The following TEK variants were observed in gnomAD, a reference collection of about 807,000 sequenced individuals.
TEK encodes angiopoietin-1 receptor.
Under a neutral mutation model 131.8 loss-of-function variants are expected in TEK, and 43 were observed. That is an observed-to-expected ratio of 0.33 (90% confidence interval 0.26 to 0.42). TEK has a LOEUF of 0.42. Ranked by LOEUF, TEK falls within the 10% of genes least tolerant of loss-of-function variation. The pLI, the probability that TEK is intolerant of heterozygous loss-of-function variation, is 1.00. For synonymous variants in TEK, 580 were observed against 491.6 expected, an observed-to-expected ratio of 1.18 and a Z score of -2.38; for missense variants, 1,162 against 1,384.4, an observed-to-expected ratio of 0.84 and a Z score of 2.55.
chr9:27,228,015 A>G (rs1356935321), intron 21 of TEK, among the ~76,000 whole-genome samples, 191 bp from the exon 22 acceptor site: 1 of 152,128 alleles, frequency 6.6e-6, no homozygotes, highest in Non-Finnish European at 1.5e-5. Context: ...GGTAGGAACT[A>G]AATCTATGAG....
chr9:27,218,871 C>A, intron 20 of TEK, 54 bp downstream of exon 20: 2 of 1,511,408 alleles, frequency 1.3e-6, no homozygotes, highest in Admixed American at 3.3e-5. Context: ...TGAGTGGAAG[C>A]CTCTAGCACT....
In TEK at chr9:27,190,577, A is replaced by G; in HGVS notation, c.1376A>G (p.Asn459Ser). 6.2e-7 allele frequency: 1 copy of G among 1,614,012 alleles called. No individual in the cohort carries two copies. Among genetic ancestry groups the G allele is most frequent in the Non-Finnish European group, 8.5e-7 (1 of 1,179,916 alleles). ...CCAAACGTGATTGACACTGGACATA[A>G]CTTTGCTGTCATCAACATCAGCTCT... Reference protein sequence around the residue: ...NAPNVIDTGHNFAVINISSEP... With the variant: ...NAPNVIDTGHSFAVINISSEP... The change falls in exon 10 of 23, where the codon AAC becomes AGC. Residue 459 changes from asparagine (N) to serine (S), a missense_variant. Physicochemically the swap from Asn to Ser is conservative, Grantham distance 46. Around this residue, in one of 6 missense-constraint regions of TEK, gnomAD observed 477 missense variants for 471.0 expected, o/e 1.01. Coordinates refer to ENST00000380036, the MANE Select transcript of TEK (RefSeq NM_000459.5).
intron 1 of TEK, 104 bp from the exon 2 acceptor site, chr9:27,157,727 G>A: frequency 7.5e-7 from 1 of 1,340,744 alleles, no homozygotes; most frequent in Non-Finnish European, 1.1e-6. Flanking sequence ...ATTTTAGAAA[G>A]AATCCTCACA....
intron 17 of TEK, 54 bp downstream of exon 17, chr9:27,212,951 G>A: frequency 1.3e-6 from 2 of 1,587,972 alleles, no homozygotes; most frequent in Admixed American, 3.4e-5. Context: ...TCCCTCTAAA[G>A]TCAGTTTCAA....
At chr9:27,217,886 G>GAAAT (rs1021435092) in intron 19 of TEK, 128 bp downstream of exon 19, 16 of 830,920 alleles carry the variant, frequency 1.9e-5, no homozygotes, top group Non-Finnish European at 2.8e-5. Flanking sequence ...AAAAGCTCAG[G>GAAAT]AAATAAATTA....
intron 9 of TEK, among the ~76,000 whole-genome samples, chr9:27,186,683 A>C (rs1437054548): frequency 6.6e-6 from 1 of 152,152 alleles, no homozygotes; most frequent in African/African-American, 2.4e-5. Context: ...TTGCTTTCTG[A>C]GTCTCTTGTG....
chr9:27,160,910 G>A (rs1823522779), intron 2 of TEK, among the ~76,000 whole-genome samples: 1 of 151,910 alleles, frequency 6.6e-6, no homozygotes, highest in Non-Finnish European at 1.5e-5. Context: ...TTTTTCACAT[G>A]TGTCATTTTG....
chr9:27,185,745 A>T lies in TEK; in HGVS notation c.1327+116A>T. 5.0e-6 allele frequency: 7 copies of T among 1,401,504 alleles called. No individual in the cohort carries two copies. In the South Asian group the frequency reaches 8.5e-5, roughly 17 times the overall value. The allele number at this position is 1,401,504 out of a possible 1,614,324, so 86.8% of individuals were successfully genotyped here. Reference sequence around the variant, plus strand: ...AAATACCTTTGGGGTAATTTCCAGGATAGTAAGCCTTTAAAAAATTATATG... The same window carrying T: ...AAATACCTTTGGGGTAATTTCCAGGTTAGTAAGCCTTTAAAAAATTATATG... On this transcript the variant is annotated intron_variant, in intron 9 of 22. Transcript: ENST00000380036.
At chr9:27,181,363 A>G (rs538748753) in intron 7 of TEK, among the ~76,000 whole-genome samples, 2 of 152,240 alleles carry the variant, frequency 1.3e-5, no homozygotes, top group South Asian at 4.2e-4. Flanking sequence ...ATTTTCCAAT[A>G]TATTTATTGA....
chr9:27,177,884 T>C (rs183004372), intron 6 of TEK, among the ~76,000 whole-genome samples: 2 of 152,360 alleles, frequency 1.3e-5, no homozygotes, highest in Admixed American at 1.3e-4. Flanking sequence ...GGTGTATACT[T>C]TGGAAATACA....
At chr9:27,201,179 G>A (rs527639273) in intron 12 of TEK, among the ~76,000 whole-genome samples, 3 of 152,282 alleles carry the variant, frequency 2.0e-5, no homozygotes, top group African/African-American at 7.2e-5. Flanking sequence ...GTCCAGACCC[G>A]CTGAATTTAA....
intron 20 of TEK, among the ~76,000 whole-genome samples, chr9:27,219,732 AAAG>A (rs1564107817): frequency 1.4e-5 from 2 of 139,046 alleles, no homozygotes; most frequent in Non-Finnish European, 3.1e-5. Flanking sequence ...AATCAGAAAA[AAAG>A]GTTAATCTTA....
At chr9:27,168,645 G>T in intron 3 of TEK, 40 bp downstream of exon 3, 1 of 1,358,862 alleles carries the variant, frequency 7.4e-7, no homozygotes, top group Non-Finnish European at 1.0e-6. Context: ...TATGATGTGA[G>T]ATATCAGATA....
At chr9:27,125,679 G>A (rs1341457993) in intron 1 of TEK, among the ~76,000 whole-genome samples, 1 of 152,088 alleles carries the variant, frequency 6.6e-6, no homozygotes, top group South Asian at 2.1e-4. Flanking sequence ...TTTAATGAGG[G>A]TTACATGATT....
At chr9:27,199,571 G>A (rs1299699558) in intron 12 of TEK, among the ~76,000 whole-genome samples, 2 of 152,132 alleles carry the variant, frequency 1.3e-5, no homozygotes, top group African/African-American at 2.4e-5. Flanking sequence ...GCAAAATATG[G>A]TGCCTCATTG....
intron 2 of TEK, among the ~76,000 whole-genome samples, chr9:27,162,491 C>G (rs1373203212): frequency 6.6e-6 from 1 of 152,178 alleles, no homozygotes; most frequent in Non-Finnish European, 1.5e-5. Context: ...ATCCAAAGAC[C>G]TGTTTCAAAC....
intron 1 of TEK, among the ~76,000 whole-genome samples, chr9:27,146,030 G>T (rs1822905541): frequency 6.6e-6 from 1 of 152,172 alleles, no homozygotes; most frequent in Non-Finnish European, 1.5e-5. Context: ...TATCAGGTTG[G>T]TGTATGACTT....
At chr9:27,121,304 C>T (rs1043659805) in intron 1 of TEK, among the ~76,000 whole-genome samples, 14 of 151,890 alleles carry the variant, frequency 9.2e-5, no homozygotes, top group Admixed American at 2.0e-4. Flanking sequence ...TCAGCCTGGG[C>T]GACAAGAGTG....
chr9:27,190,545 GA>G lies in TEK; in HGVS notation c.1346del (p.Asn449MetfsTer5). On this transcript the variant is annotated frameshift_variant, in exon 10 of 23. Transcript: ENST00000380036. LOFTEE classifies it high-confidence loss of function. Reference sequence around the variant, plus strand: ...TGTATTTAGTTCTTCCAAAGCCCCTGAATGCCCCAAACGTGATTGACACTGG... The same window carrying G: ...TGTATTTAGTTCTTCCAAAGCCCCTGATGCCCCAAACGTGATTGACACTGG... ...ISVKVLPKPL[N>X]APNVIDTGHN... 1 of 1,614,000 alleles carries G rather than the reference GA, an allele frequency of 6.2e-7. No homozygotes were observed. The highest frequency in any genetic ancestry group is 8.5e-7 in the Non-Finnish European group (1 of 1,179,904).
Sources: allele counts gnomAD v4.1 joint callset (sites outside exome capture counted in the v4.1 genomes callset), GRCh38; gene constraint gnomAD v4.1.1; regional missense constraint gnomAD v4.1.1; transcripts MANE v1.5; gene names NCBI Gene and HGNC (gene_info 2026-07-23, HGNC 2026-07-21).